The following PCDHGA2 variants were observed in gnomAD, a reference collection of about 807,000 sequenced individuals.
PCDHGA2 encodes the protein protocadherin gamma subfamily A, 2.
In PCDHGA2, 40 loss-of-function variants were observed where a neutral mutation model predicts 59.2. That is an observed-to-expected ratio of 0.68 (90% confidence interval 0.52 to 0.88). The LOEUF is 0.88. PCDHGA2 is among the 40% of genes least tolerant of loss of function. PCDHGA2 has a pLI of 0.00. For missense variants in PCDHGA2, 1,226 were observed against 1,204.0 expected (o/e 1.02, Z -0.27); for synonymous variants, 560 against 526.0 (o/e 1.06, Z -0.89).
At chr5:141,459,035 AC>A (rs1337856322) in intron 1 of PCDHGA2, among the ~76,000 whole-genome samples, 1 of 152,218 alleles carries the variant, frequency 6.6e-6, no homozygotes, top group Non-Finnish European at 1.5e-5. Flanking sequence ...ATCCAGCCTT[AC>A]CAGCTATATT....
chr5:141,473,798 T>C lies in PCDHGA2; in HGVS notation c.2425-21009T>C, dbSNP rs1202883137. 2.6e-5 allele frequency among the ~76,000 whole-genome samples: 4 copies of C among 152,350 alleles called. 1 individual carries two copies. The highest frequency in any genetic ancestry group is 6.8e-3 in the Middle Eastern group (2 of 294). On this transcript the variant is annotated intron_variant, in intron 1 of 3. Transcript: ENST00000394576. ...TTTTAATTCAAGAGCAGTATGATGCTACTGAGGAGCAGCTGGACAATTGTG... is the reference window on the plus strand; with the variant it reads ...TTTTAATTCAAGAGCAGTATGATGCCACTGAGGAGCAGCTGGACAATTGTG...
In PCDHGA2 at chr5:141,403,718, C is replaced by T. The variant is rs77227638; in HGVS notation, c.2424+62323C>T. 9.8e-3 allele frequency: 15,884 copies of T among 1,613,838 alleles called. 137 individuals carry two copies. The highest frequency in any genetic ancestry group is 0.011 in the Non-Finnish European group (12,686 of 1,179,868). ...CCGAGTTAAAGTCCTTGAGAACGTG[C>T]CCCCAGGCACCTGGCTGCTTACTGC... On this transcript the variant is annotated intron_variant, in intron 1 of 3. Coordinates refer to ENST00000394576, the MANE Select transcript of PCDHGA2 (RefSeq NM_018915.4).
intron 1 of PCDHGA2, chr5:141,428,863 T>C (rs1160939898): frequency 6.7e-6 from 1 of 149,182 alleles, no homozygotes; most frequent in African/African-American, 2.4e-5. Context: ...CGGGAGACTT[T>C]TTTTTTTTTT....
chr5:141,465,240 G>C (rs569146939), intron 1 of PCDHGA2, among the ~76,000 whole-genome samples: 22 of 152,168 alleles, frequency 1.4e-4, no homozygotes, highest in African/African-American at 5.3e-4. Flanking sequence ...TCAAGTTCAA[G>C]GCACTTTTGT....
At chr5:141,434,223 A>G (rs1164673241) in intron 1 of PCDHGA2, among the ~76,000 whole-genome samples, 1 of 152,214 alleles carries the variant, frequency 6.6e-6, no homozygotes, top group Non-Finnish European at 1.5e-5. Context: ...TAAACAAAGT[A>G]CGATTTCTGG....
chr5:141,413,224 C>G, intron 1 of PCDHGA2: 1 of 1,613,790 alleles, frequency 6.2e-7, no homozygotes, highest in Non-Finnish European at 8.5e-7. Context: ...TTGCAGCGGG[C>G]TGGTCCTGCT....
intron 1 of PCDHGA2, among the ~76,000 whole-genome samples, chr5:141,473,965 A>C (rs925515548): frequency 1.1e-4 from 16 of 152,206 alleles, no homozygotes; most frequent in African/African-American, 3.9e-4. Flanking sequence ...TCTACTTAGA[A>C]GTCTGAGGCG....
At chr5:141,404,198 T>G in intron 1 of PCDHGA2, 1 of 1,613,554 alleles carries the variant, frequency 6.2e-7, no homozygotes, top group Non-Finnish European at 8.5e-7. Flanking sequence ...AGAAAAAGCC[T>G]CAGAATATAA....
At chr5:141,407,851 C>T (rs2094989102) in intron 1 of PCDHGA2, among the ~76,000 whole-genome samples, 1 of 152,194 alleles carries the variant, frequency 6.6e-6, no homozygotes, top group Non-Finnish European at 1.5e-5. Flanking sequence ...GGGGGATGTA[C>T]ACCTGCATTT....
chr5:141,489,287 T>C lies in PCDHGA2; in HGVS notation c.2425-5520T>C. 1 of 1,573,410 alleles carries C rather than the reference T, an allele frequency of 6.4e-7. No individual in the cohort carries two copies. Among genetic ancestry groups the C allele is most frequent in the Non-Finnish European group, 8.6e-7 (1 of 1,159,858 alleles). ...CAGCTCGCTGGGAAATGGCAAGTGC[T>C]GTGCATGTTGTCCTTGTGCTGCTGG... On this transcript the variant is annotated intron_variant, in intron 1 of 3. Transcript: ENST00000394576. The surrounding 1 kb of genome is among the most constrained non-coding windows in gnomAD (Gnocchi z 4.5).
At chr5:141,376,144 G>T (rs753001081) in intron 1 of PCDHGA2, 1 of 1,613,918 alleles carries the variant, frequency 6.2e-7, no homozygotes, top group Non-Finnish European at 8.5e-7. Flanking sequence ...CCAACGATTC[G>T]GACCTCACTC....
intron 1 of PCDHGA2, chr5:141,433,047 C>G: frequency 1.9e-6 from 3 of 1,614,164 alleles, no homozygotes; most frequent in Non-Finnish European, 2.5e-6. Context: ...ACCACGGACT[C>G]GCGGAAGAGT....
chr5:141,383,351 G>C, intron 1 of PCDHGA2: 1 of 1,613,992 alleles, frequency 6.2e-7, no homozygotes, highest in Non-Finnish European at 8.5e-7. Flanking sequence ...CCTGGGGTTC[G>C]GTTTCCGTTA....
intron 1 of PCDHGA2, among the ~76,000 whole-genome samples, chr5:141,484,597 A>C (rs1345278081): frequency 1.3e-5 from 2 of 152,070 alleles, no homozygotes; most frequent in African/African-American, 4.8e-5. Flanking sequence ...CTCATTTAGA[A>C]TACTGGTTGA....
At chr5:141,395,036 G>A in intron 1 of PCDHGA2, 2 of 1,614,110 alleles carry the variant, frequency 1.2e-6, no homozygotes, top group Non-Finnish European at 8.5e-7. Context: ...CACATTTTGT[G>A]GGTGTTGAGG....
intron 1 of PCDHGA2, chr5:141,387,691 G>C (rs1032902954): frequency 3.3e-5 from 28 of 840,822 alleles, no homozygotes; most frequent in Non-Finnish European, 4.7e-5. Context: ...GCCGCAGCGC[G>C]CTTTCCAGGG....
intron 1 of PCDHGA2, chr5:141,399,220 A>T: frequency 6.2e-7 from 1 of 1,613,966 alleles, no homozygotes; most frequent in East Asian, 2.2e-5. Flanking sequence ...AATTGCTTTG[A>T]TCAAAATACA....
intron 1 of PCDHGA2, chr5:141,382,816 TA>T: frequency 1.6e-6 from 2 of 1,275,446 alleles, no homozygotes; most frequent in Non-Finnish European, 2.2e-6. Flanking sequence ...CTCCCCTTCC[TA>T]AGACAGAGGG....
Position 141,477,691 on chromosome 5 carries a change from A to G in PCDHGA2, c.2425-17116A>G, listed in dbSNP as rs1315811441. 6.2e-7 allele frequency: 1 copy of G among 1,614,188 alleles called. No homozygotes were observed. Among genetic ancestry groups the G allele is most frequent in the South Asian group, 1.1e-5 (1 of 91,090 alleles). On this transcript the variant is annotated intron_variant, in intron 1 of 3. Coordinates refer to ENST00000394576, the MANE Select transcript of PCDHGA2 (RefSeq NM_018915.4). This position sits in a 1 kb window ranked among gnomAD's most constrained non-coding sequence, Gnocchi z 4.9. ...GCATAGTGTCATCCTTAGTGCCCCT[A>G]GACTATGAGGATCGGCGGGAATTTG...
Sources: gnomAD v4.1 joint callset for allele counts (sites outside exome capture counted in the v4.1 genomes callset) on GRCh38, gnomAD v4.1.1 for gene constraint, Gnocchi (gnomAD v3.1) non-coding constraint, MANE v1.5 for transcripts, NCBI Gene and HGNC (gene_info 2026-07-23, HGNC 2026-07-21) for gene names.